Variants in QTGAL observed in about 807,000 individuals in gnomAD.
QTGAL encodes the protein queuosine-tRNA galactosyltransferase, also known as BGnT-like protein 1.
At chr17:83,041,252 A>G in the QTGAL span, among the ~76,000 whole-genome samples, 1 of 152,188 alleles carries the variant, frequency 6.6e-6, no homozygotes, top group African/African-American at 2.4e-5. Flanking sequence ...GAAAGCTGGA[A>G]TACCAATAAC....
At chr17:82,958,810 T>A in the QTGAL span, among the ~76,000 whole-genome samples, 4 of 128,752 alleles carry the variant, frequency 3.1e-5, no homozygotes, top group Non-Finnish European at 5.4e-5. Context: ...TGTGTGTGTG[T>A]ATACTGTGTG....
chr17:83,027,893 C>T, the QTGAL span, among the ~76,000 whole-genome samples: 5 of 151,756 alleles, frequency 3.3e-5, no homozygotes, highest in African/African-American at 1.2e-4. Context: ...GCGAGCAGAC[C>T]ACCTGAGCTC....
chr17:83,040,848 A>T, the QTGAL span, among the ~76,000 whole-genome samples: 1 of 152,208 alleles, frequency 6.6e-6, no homozygotes. Flanking sequence ...GGCGGATCAC[A>T]AGGTCAGGAG....
At chr17:83,049,933 C>T in the QTGAL span, among the ~76,000 whole-genome samples, 1 of 152,016 alleles carries the variant, frequency 6.6e-6, no homozygotes, top group Non-Finnish European at 1.5e-5. Flanking sequence ...TGATACGGAG[C>T]GATACTTAAG....
At chr17:82,970,761 TGTGA>T in the QTGAL span, among the ~76,000 whole-genome samples, 415 of 151,908 alleles carry the variant, frequency 2.7e-3, no homozygotes, top group Non-Finnish European at 4.4e-3. Flanking sequence ...CTCCGTGGGC[TGTGA>T]GTGTGAAATA....
chr17:83,029,275 C>T, the QTGAL span, among the ~76,000 whole-genome samples: 4 of 152,190 alleles, frequency 2.6e-5, no homozygotes, highest in Admixed American at 1.3e-4. Flanking sequence ...GATGCAACAA[C>T]GCGGATGGAC....
the QTGAL span, chr17:82,965,725 T>G: frequency 2.1e-5 from 34 of 1,612,284 alleles, no homozygotes; most frequent in East Asian, 7.1e-4. Flanking sequence ...ATGATCACCG[T>G]GGGGCCATTT....
the QTGAL span, among the ~76,000 whole-genome samples, chr17:82,959,547 G>C: frequency 6.6e-6 from 1 of 151,964 alleles, no homozygotes; most frequent in African/African-American, 2.4e-5. Context: ...ACGCAGCCTC[G>C]CCGGGTTTTG....
chr17:83,031,319 G>A, the QTGAL span, among the ~76,000 whole-genome samples: 9 of 150,214 alleles, frequency 6.0e-5, no homozygotes, highest in South Asian at 2.1e-4. Flanking sequence ...ACTCAGCAAC[G>A]GCCGCCAGAG....
chr17:82,949,103 G>A, the QTGAL span: 6 of 152,210 alleles, frequency 3.9e-5, no homozygotes, highest in Non-Finnish European at 8.8e-5. Context: ...AAATATGTGA[G>A]AAGATGCTTT....
the QTGAL span, among the ~76,000 whole-genome samples, chr17:83,026,787 A>G: frequency 2.6e-4 from 31 of 118,688 alleles, no homozygotes; most frequent in East Asian, 5.6e-4. Context: ...GAGCCTGCAG[A>G]CAAACCCACC....
At chr17:82,948,135 G>A in the QTGAL span, 1 of 152,326 alleles carries the variant, frequency 6.6e-6, no homozygotes, top group Non-Finnish European at 1.5e-5. Flanking sequence ...GGCCGGTGGG[G>A]AACCCTGATG....
chr17:83,010,978 G>A, the QTGAL span, among the ~76,000 whole-genome samples: 5 of 152,268 alleles, frequency 3.3e-5, no homozygotes, highest in Non-Finnish European at 5.9e-5. Flanking sequence ...TGCCCTCACG[G>A]GGCTGTACCC....
chr17:82,971,475 G>A, the QTGAL span, among the ~76,000 whole-genome samples: 22 of 152,040 alleles, frequency 1.4e-4, no homozygotes, highest in African/African-American at 3.4e-4. Flanking sequence ...CCAGCCACGC[G>A]CCGTCTCCTC....
At chr17:83,048,731 A>G in the QTGAL span, 8 of 1,614,078 alleles carry the variant, frequency 5.0e-6, no homozygotes, top group Non-Finnish European at 8.5e-7. Context: ...TGCAAAACAG[A>G]CCTCAAACAT....
the QTGAL span, among the ~76,000 whole-genome samples, chr17:82,974,420 G>A: frequency 3.0e-4 from 45 of 152,346 alleles, no homozygotes; most frequent in Non-Finnish European, 5.7e-4. Context: ...GAACACAGCT[G>A]CCCTCAGGAG....
the QTGAL span, chr17:82,942,889 A>G: frequency 3.3e-5 from 8 of 239,724 alleles, no homozygotes; most frequent in South Asian, 1.3e-4. Context: ...CCAGTCTTGG[A>G]GAGAGATGAA....
chr17:82,989,198 AC>A, the QTGAL span, among the ~76,000 whole-genome samples: 1 of 152,202 alleles, frequency 6.6e-6, no homozygotes, highest in Non-Finnish European at 1.5e-5. Context: ...CTTTGCAGGG[AC>A]ATAGATGGAG....
chr17:83,015,129 G>A, the QTGAL span, among the ~76,000 whole-genome samples: 43 of 147,588 alleles, frequency 2.9e-4, no homozygotes, highest in Admixed American at 1.3e-3. The surrounding 1 kb of genome is among the most constrained non-coding windows in gnomAD (Gnocchi z 4.4). Context: ...GACCGTCTGC[G>A]GTGAGGACCT....
Sources: gnomAD v4.1 joint callset for allele counts (sites outside exome capture counted in the v4.1 genomes callset) on GRCh38, gnomAD v4.1.1 for gene constraint, Gnocchi (gnomAD v3.1) non-coding constraint, MANE v1.5 for transcripts, NCBI Gene and HGNC (gene_info 2026-07-23, HGNC 2026-07-21) for gene names.